ITGA5: variants seen among roughly 807,000 people sequenced by gnomAD.
ITGA5 encodes integrin subunit alpha 5.
A neutral mutation model predicts 146.3 loss-of-function variants in ITGA5; 55 were observed. The ratio of observed to expected loss-of-function variants is 0.38; its 90% confidence interval spans 0.30 to 0.47. ITGA5 has a LOEUF of 0.47. Among genes scored for constraint, ITGA5 ranks in the 20% least tolerant of loss-of-function variants. ITGA5 has a pLI of 0.99. For synonymous variants in ITGA5, 500 were observed against 531.8 expected (o/e 0.94, Z 0.82); for missense variants, 1,131 against 1,329.0 (o/e 0.85, Z 2.32).
In ITGA5 at chr12:54,399,890, A is replaced by G; in HGVS notation, c.2701T>C (p.Ser901Pro). Residue 901 changes from serine to proline, a missense_variant, in exon 26 of 30, where the codon TCT (serine) becomes CCT (proline). Coordinates refer to ENST00000293379, the MANE Select transcript of ITGA5 (RefSeq NM_002205.5). ...AGGATCTGAGGTCCCGAGGAAGCAG[A>G]GCTGCGGCTTGGAGCTTCCCGTTTT... is the stretch of plus-strand genomic sequence containing the variant. ...QQKREAPSRS[S>P]ASSGPQILKC... 2 of 1,614,124 alleles carry G rather than the reference A, an allele frequency of 1.2e-6. No individual in the cohort carries two copies. The highest frequency in any genetic ancestry group is 1.7e-6 in the Non-Finnish European group (2 of 1,179,990).
intron 29 of ITGA5, chr12:54,397,127 AT>A: frequency 2.6e-6 from 1 of 378,310 alleles, no homozygotes; most frequent in Non-Finnish European, 4.8e-6. Flanking sequence ...GGTTCCAATG[AT>A]TTTGCAAGTA....
At chr12:54,411,630 G>A (rs937273062) in intron 2 of ITGA5, among the ~76,000 whole-genome samples, 3 of 152,308 alleles carry the variant, frequency 2.0e-5, no homozygotes, top group Non-Finnish European at 2.9e-5. Context: ...AATCATGCCC[G>A]TCCTCCTTGG....
At chr12:54,398,835 C>CT (rs34443272) in intron 27 of ITGA5, 137 bp from the exon 28 acceptor site, 8,014 of 218,204 alleles carry the variant, frequency 0.037, 34 homozygotes, top group South Asian at 0.06. Flanking sequence ...CTCTCTCTCT[C>CT]TTTTTTTTTT....
Position 54,399,918 on chromosome 12 carries a change from C to T in ITGA5, c.2673G>A (p.Gln891=), listed in dbSNP as rs182135909. 6.2e-7 allele frequency: 1 copy of T among 1,614,078 alleles called. No individual in the cohort carries two copies. Among genetic ancestry groups the T allele is most frequent in the East Asian group, 2.2e-5 (1 of 44,888 alleles). The part of the protein sequence containing the change: ...ELDPEGSLHH[Q]QKREAPSRSS... ...TGCGGCTTGGAGCTTCCCGTTTTTG[C>T]TGGTGGTGCAGGGAACCCTCGGGAT... Residue 891 remains glutamine, a synonymous_variant, in exon 26 of 30, where the codon CAG becomes CAA. Transcript: ENST00000293379.
At chr12:54,414,007 A>G (rs751070531) in intron 1 of ITGA5, among the ~76,000 whole-genome samples, 2 of 152,224 alleles carry the variant, frequency 1.3e-5, no homozygotes, top group Non-Finnish European at 2.9e-5. Context: ...GCAGGGTTGC[A>G]AGACAGAGAG....
chr12:54,399,231 T>C (rs1955755628), intron 27 of ITGA5, among the ~76,000 whole-genome samples: 1 of 152,178 alleles, frequency 6.6e-6, no homozygotes, highest in Non-Finnish European at 1.5e-5. Context: ...ATTAGATGAC[T>C]ACGTGTTCAA....
Position 54,407,863 on chromosome 12 carries a change from A to G in ITGA5, c.831T>C (p.Ala277=). 1 of 1,588,682 alleles carries G rather than the reference A, an allele frequency of 6.3e-7. No individual in the cohort carries two copies. The highest frequency in any genetic ancestry group is 8.6e-7 in the Non-Finnish European group (1 of 1,165,760). Residue 277 remains alanine (A), a synonymous_variant, in exon 8 of 30, where the codon GCT becomes GCC. Coordinates refer to ENST00000293379, the MANE Select transcript of ITGA5 (RefSeq NM_002205.5). ...TGTCATCACCACTGAATTCACCAAC[A>G]GCCACAGAGTATCCTGGGGGACAGG... ...YDDSYLGYSV[A]VGEFSGDDTE... is the part of the protein sequence containing the mutation.
At chr12:54,399,334 C>G (rs979208468) in intron 27 of ITGA5, among the ~76,000 whole-genome samples, 3 of 152,172 alleles carry the variant, frequency 2.0e-5, no homozygotes, top group African/African-American at 7.2e-5. Context: ...CTTTACTATT[C>G]CTACATGTGT....
chr12:54,401,249 G>A lies in ITGA5; in HGVS notation c.2493+124C>T. The A allele has an allele frequency of 8.4e-6, 7 of 837,808 alleles. 1 individual carries two copies. Among genetic ancestry groups the A allele is most frequent in the Middle Eastern group, 3.6e-4 (1 of 2,760 alleles). The allele number at this position is 837,808 out of a possible 1,614,324, so 51.9% of individuals were successfully genotyped here. The stretch of plus-strand genomic sequence containing the variant: ...TCACAGGACTCTGCCTCATGCCTTT[G>A]CATATCACTTACTCCTCCCTCCTCT... On this transcript the variant is annotated intron_variant, in intron 24 of 29. Coordinates refer to ENST00000293379, the MANE Select transcript of ITGA5 (RefSeq NM_002205.5). The surrounding 1 kb of genome is among the most constrained non-coding windows in gnomAD (Gnocchi z 5.0).
chr12:54,406,486 C>G (rs1050260316), intron 9 of ITGA5, among the ~76,000 whole-genome samples: 2 of 152,208 alleles, frequency 1.3e-5, no homozygotes, highest in Non-Finnish European at 2.9e-5. Flanking sequence ...AATGTCCCTG[C>G]CTCCAGCTCT....
At position 54,402,418 on chromosome 12, in the gene ITGA5, C is replaced by G. The variant is rs568182583; in HGVS notation, c.1983-88G>C. On this transcript the variant is annotated intron_variant, in intron 19 of 29. Transcript: ENST00000293379. Reference sequence around the variant, plus strand: ...CATTATAAGAGTAGTAATACGAGGCCGGGTGTGGTGGCTCACACCTGTAAT... The same window carrying G: ...CATTATAAGAGTAGTAATACGAGGCGGGGTGTGGTGGCTCACACCTGTAAT... 401 of 1,293,354 alleles carry G rather than the reference C, an allele frequency of 3.1e-4. 4 individuals are homozygous for G. The South Asian group carries it at 3.9e-3, about 13-fold the overall frequency. The allele number at this position is 1,293,354 out of a possible 1,614,324, so 80.1% of individuals were successfully genotyped here. A position where few individuals can be genotyped will look rare whatever the true frequency, so the allele number is the denominator to read the frequency against.
chr12:54,418,455 C>T (rs1956035426), intron 1 of ITGA5, among the ~76,000 whole-genome samples: 1 of 152,030 alleles, frequency 6.6e-6, no homozygotes, highest in Non-Finnish European at 1.5e-5. Context: ...TGAGGCTGGC[C>T]CCCATTTAAC....
rs150458044 is a variant in ITGA5, at chr12:54,402,232, C to T, written c.2081G>A (p.Arg694Gln). ...GEGGAYEAEL[R>Q]VTAPPEAEYS... The stretch of plus-strand genomic sequence containing the variant: ...CTCAGCCTCTGGAGGGGCGGTGACC[C>T]GAAGCTCAGCCTCATAGGCGCCACC... Residue 694 changes from arginine (R) to glutamine (Q), a missense_variant, in exon 20 of 30, where the codon CGG (arginine) becomes CAG (glutamine). By Grantham distance (43) the Arg-to-Gln change is conservative. Coordinates refer to ENST00000293379, the MANE Select transcript of ITGA5 (RefSeq NM_002205.5). 77 of 1,614,064 alleles carry T rather than the reference C, an allele frequency of 4.8e-5. No homozygotes were observed. The African/African-American group carries it at 6.1e-4, about 13-fold the overall frequency.
intron 2 of ITGA5, among the ~76,000 whole-genome samples, chr12:54,411,251 A>G (rs990399155): frequency 1.3e-5 from 2 of 152,336 alleles, no homozygotes; most frequent in Admixed American, 1.3e-4. Context: ...TAAGCTACTT[A>G]CCCTCTGTCT....
intron 4 of ITGA5, 21 bp from the exon 5 acceptor site, chr12:54,408,975 GAA>G: frequency 6.2e-7 from 1 of 1,612,048 alleles, no homozygotes; most frequent in Non-Finnish European, 8.5e-7. Flanking sequence ...AGAAGGTGGT[GAA>G]AATGAGCCCT....
At chr12:54,396,777 G>A (rs1350011216) in intron 29 of ITGA5, among the ~76,000 whole-genome samples, 1 of 152,152 alleles carries the variant, frequency 6.6e-6, no homozygotes, top group African/African-American at 2.4e-5. Flanking sequence ...TCAAACTCCT[G>A]GGCTCAAGCG....
rs377360275 is a variant in ITGA5 at position 54,401,981 on chromosome 12, C to G, written c.2226+20G>C. 1.9e-6 allele frequency: 3 copies of G among 1,613,052 alleles called. No homozygotes were observed. The highest frequency in any genetic ancestry group is 2.5e-6 in the Non-Finnish European group (3 of 1,179,020). On this transcript the variant is annotated intron_variant, in intron 21 of 29. Coordinates refer to ENST00000293379, the MANE Select transcript of ITGA5 (RefSeq NM_002205.5). The surrounding 1 kb of genome is among the most constrained non-coding windows in gnomAD (Gnocchi z 5.0). The stretch of plus-strand genomic sequence containing the variant: ...AGGTCTGCTCTCCCTCTGTCCCATC[C>G]TCTTTCATCCCAAACTTACACTGGC...
At chr12:54,410,647 G>C (rs1420895978) in intron 2 of ITGA5, among the ~76,000 whole-genome samples, 1 of 151,470 alleles carries the variant, frequency 6.6e-6, no homozygotes, top group Middle Eastern at 3.2e-3. Flanking sequence ...TGCAGTGACG[G>C]AGAATCACTC....
chr12:54,411,897 C>A lies in ITGA5; in HGVS notation c.286G>T (p.Val96Phe). The change falls in exon 2 of 30, where the codon GTC becomes TTC. Residue 96 changes from valine (V) to phenylalanine (F), a missense_variant. Around this residue, in one of 3 missense-constraint regions of ITGA5, gnomAD observed 175 missense variants for 179.3 expected, o/e 0.98. Transcript: ENST00000293379. ...CTGGCACCCCAAGGACAGAGGTAGA[C>A]AGCACCACCCTGCAGCACTCCTGGC... Reference protein sequence around the residue: ...SQPGVLQGGAVYLCPWGASPT... With the variant: ...SQPGVLQGGAFYLCPWGASPT... 1 of 1,605,332 alleles carries A rather than the reference C, an allele frequency of 6.2e-7. No individual in the cohort carries two copies. The highest frequency in any genetic ancestry group is 8.5e-7 in the Non-Finnish European group (1 of 1,175,698).
Sources: allele counts gnomAD v4.1 joint callset (sites outside exome capture counted in the v4.1 genomes callset), GRCh38; gene constraint gnomAD v4.1.1; regional missense constraint gnomAD v4.1.1; non-coding constraint Gnocchi (gnomAD v3.1); transcripts MANE v1.5; gene names NCBI Gene and HGNC (gene_info 2026-07-23, HGNC 2026-07-21).